TMX4: variants seen among roughly 807,000 people sequenced by gnomAD.
TMX4 encodes thioredoxin related transmembrane protein 4.
Under a neutral mutation model 33.3 loss-of-function variants are expected in TMX4, and 23 were observed. The observed-to-expected ratio is 0.69, with a 90% CI of 0.50 to 0.98. TMX4 has a LOEUF of 0.98. Among genes scored for constraint, TMX4 ranks in the 50% least tolerant of loss-of-function variants. The pLI, the probability that TMX4 is intolerant of heterozygous loss-of-function variation, is 0.00. For missense variants in TMX4, 399 were observed against 448.9 expected, an observed-to-expected ratio of 0.89 and a Z score of 1.01; for synonymous variants, 164 against 161.5, an observed-to-expected ratio of 1.02 and a Z score of -0.12.
intron 1 of TMX4, among the ~76,000 whole-genome samples, chr20:8,010,732 G>A (rs2050749469): frequency 6.6e-6 from 1 of 152,100 alleles, no homozygotes; most frequent in African/African-American, 2.4e-5. Context: ...CTACAGATCT[G>A]ATGGGCAGAG....
At chr20:8,007,013 C>T (rs1049892490) in intron 2 of TMX4, among the ~76,000 whole-genome samples, 1 of 152,190 alleles carries the variant, frequency 6.6e-6, no homozygotes, top group Non-Finnish European at 1.5e-5. Flanking sequence ...TTGATCCGCT[C>T]GCCTCGGCCT....
chr20:8,013,858 G>A (rs1244539806), intron 1 of TMX4: 2 of 151,826 alleles, frequency 1.3e-5, no homozygotes, highest in African/African-American at 4.8e-5. Flanking sequence ...TCTTATCTTT[G>A]CAGAAATGAG....
chr20:8,019,320 G>T, intron 1 of TMX4, 118 bp downstream of exon 1: 1 of 1,231,454 alleles, frequency 8.1e-7, no homozygotes, highest in Non-Finnish European at 1.1e-6. Context: ...GGCAAGCCTG[G>T]TCCGGGGTTT....
chr20:7,997,543 C>T (rs1430156943), intron 4 of TMX4, among the ~76,000 whole-genome samples: 1 of 151,664 alleles, frequency 6.6e-6, no homozygotes, highest in African/African-American at 2.4e-5. Flanking sequence ...TCACTACAGA[C>T]ACCCTTTCCC....
chr20:8,015,294 T>C (rs6140501), intron 1 of TMX4, among the ~76,000 whole-genome samples: 12,294 of 152,184 alleles, frequency 0.081, 1,088 homozygotes, highest in East Asian at 0.53. Context: ...TTAGAAGCAT[T>C]TGGAAGTATG....
At chr20:8,009,303 C>A (rs541308514) in intron 2 of TMX4, among the ~76,000 whole-genome samples, 1 of 152,178 alleles carries the variant, frequency 6.6e-6, no homozygotes, top group Non-Finnish European at 1.5e-5. Flanking sequence ...AAAAATGATT[C>A]ATTCTTGTGA....
rs2050604708 is a variant in TMX4, at chr20:7,981,282, C to G, written c.*969G>C. 6.6e-6 allele frequency: 1 copy of G among 151,982 alleles called. No homozygotes were observed. The highest frequency in any genetic ancestry group is 1.5e-5 in the Non-Finnish European group (1 of 68,016). 9.4% of individuals were successfully genotyped at this position (151,982 alleles called of 1,614,324 possible). A position where few individuals can be genotyped will look rare whatever the true frequency, so the allele number is the denominator to read the frequency against. On this transcript the variant is annotated 3_prime_UTR_variant, in exon 8 of 8. Coordinates refer to ENST00000246024, the MANE Select transcript of TMX4 (RefSeq NM_021156.4). ...TAAAGTAGTTCAAGACCCAGGGAAC[C>G]CCTTGAGATGAAAACAAAACAGTAT...
At chr20:7,994,187 G>T (rs916855790) in intron 5 of TMX4, among the ~76,000 whole-genome samples, 2 of 151,812 alleles carry the variant, frequency 1.3e-5, no homozygotes, top group East Asian at 3.9e-4. Context: ...ATCATTTTTG[G>T]TTCCTTTTGG....
chr20:7,979,672 G>A lies in TMX4; in HGVS notation c.*2579C>T, dbSNP rs2050596639. ...GAGAATCCCTTGAACTAGGGAGGCG[G>A]AGGTTGTAGTAAGCCAAGATTGTGC... On this transcript the variant is annotated 3_prime_UTR_variant, in exon 8 of 8. Coordinates refer to ENST00000246024, the MANE Select transcript of TMX4 (RefSeq NM_021156.4). The A allele has an allele frequency of 6.6e-6, 1 of 151,146 alleles. No individual in the cohort carries two copies. Among genetic ancestry groups the A allele is most frequent in the African/African-American group, 2.4e-5 (1 of 41,054 alleles). 9.4% of individuals were successfully genotyped at this position (151,146 alleles called of 1,614,324 possible). A position where few individuals can be genotyped will look rare whatever the true frequency, so the allele number is the denominator to read the frequency against.
chr20:7,983,891 A>C (rs1273223684), intron 6 of TMX4, 34 bp from the exon 7 acceptor site: 1 of 1,562,460 alleles, frequency 6.4e-7, no homozygotes. Context: ...CAGTGAATAG[A>C]TAGGACATTT....
At chr20:8,007,932 A>G (rs1229701120) in intron 2 of TMX4, among the ~76,000 whole-genome samples, 1 of 152,104 alleles carries the variant, frequency 6.6e-6, no homozygotes, top group East Asian at 1.9e-4. Flanking sequence ...GTTACTATTT[A>G]TCTCCTCCAC....
intron 2 of TMX4, among the ~76,000 whole-genome samples, chr20:8,009,240 G>A (rs565024968): frequency 1.3e-5 from 2 of 152,148 alleles, no homozygotes; most frequent in Admixed American, 6.5e-5. Flanking sequence ...CAAATTTATT[G>A]TATATATCTT....
chr20:7,987,279 A>T lies in TMX4; in HGVS notation c.615+9T>A. On this transcript the variant is annotated intron_variant, in intron 6 of 7. Transcript: ENST00000246024. ...TTAAAGATAGAAAAAGTTTGGTATT[A>T]TCTCTTACCAGACCCATAAAAAGGC... is the stretch of plus-strand genomic sequence containing the variant. The T allele has an allele frequency of 6.5e-7, 1 of 1,543,276 alleles. No homozygotes were observed. The highest frequency in any genetic ancestry group is 1.2e-5 in the South Asian group (1 of 81,862).
intron 1 of TMX4, among the ~76,000 whole-genome samples, chr20:8,017,510 C>T (rs566263794): frequency 2.1e-4 from 32 of 152,282 alleles, no homozygotes; most frequent in Middle Eastern, 6.8e-3. Context: ...TTGGCTCTCC[C>T]TCAAAAACTT....
intron 1 of TMX4, 193 bp downstream of exon 1, chr20:8,019,244 AC>A (rs781645831): frequency 1.6e-6 from 1 of 631,294 alleles, no homozygotes; most frequent in Non-Finnish European, 2.5e-6. Flanking sequence ...GGGTCCGCGG[AC>A]CCCAGGTCGA....
At position 8,019,557 on chromosome 20, in the gene TMX4, C is replaced by T; in HGVS notation, c.57G>A (p.Ala19=). The T allele has an allele frequency of 6.9e-7, 1 of 1,444,720 alleles. No individual in the cohort carries two copies. Among genetic ancestry groups the T allele is most frequent in the Non-Finnish European group, 9.1e-7 (1 of 1,099,026 alleles). 89.5% of individuals were successfully genotyped at this position (1,444,720 alleles called of 1,614,324 possible). ...CGGGGCCTGCCGTCGCCGCCACAGC[C>T]GCGATCCAGGCGGCCAGGAGCGCCG... ...QLTALLAAWI[A]AVAATAGPEE... The change falls in exon 1 of 8, where the codon GCG becomes GCA. Residue 19 remains alanine, a synonymous_variant. Transcript: ENST00000246024.
At chr20:8,013,298 T>C (rs2050760417) in intron 1 of TMX4, among the ~76,000 whole-genome samples, 1 of 152,218 alleles carries the variant, frequency 6.6e-6, no homozygotes, top group African/African-American at 2.4e-5. Flanking sequence ...ACTTTGTCTC[T>C]TACACATAAT....
At chr20:7,997,001 T>C (rs1042545730) in intron 4 of TMX4, among the ~76,000 whole-genome samples, 4 of 152,188 alleles carry the variant, frequency 2.6e-5, no homozygotes, top group African/African-American at 9.7e-5. Flanking sequence ...GTCTCAGACC[T>C]GATCTCCCTT....
chr20:8,003,607 A>C (rs975838068), intron 2 of TMX4, among the ~76,000 whole-genome samples: 2 of 152,154 alleles, frequency 1.3e-5, no homozygotes, highest in Non-Finnish European at 2.9e-5. Flanking sequence ...AGAAAACATA[A>C]ATTATCTTTA....
Sources: gnomAD v4.1 joint callset for allele counts (sites outside exome capture counted in the v4.1 genomes callset) on GRCh38, gnomAD v4.1.1 for gene constraint, MANE v1.5 for transcripts, NCBI Gene and HGNC (gene_info 2026-07-23, HGNC 2026-07-21) for gene names.